DLG2: variants seen among roughly 807,000 people sequenced by gnomAD.
DLG2 encodes disks large homolog 2.
DLG2 carries 45 observed loss-of-function variants against 132.5 expected under a neutral mutation model. The ratio of observed to expected loss-of-function variants is 0.34; its 90% CI spans 0.27 to 0.44. The LOEUF (loss-of-function observed/expected upper bound fraction) is 0.44. Among genes scored for constraint, DLG2 ranks in the 20% least tolerant of loss-of-function variants. The probability of loss-of-function intolerance (pLI) is 1.00; values close to 1 mark genes in which losing one functional copy is unlikely to be tolerated. For missense variants in DLG2, 1,045 were observed against 1,196.9 expected, an observed-to-expected ratio of 0.87 and a Z score of 1.87; for synonymous variants, 424 against 419.6, an observed-to-expected ratio of 1.01 and a Z score of -0.13.
At chr11:84,650,956 G>A (rs1435168315) in intron 6 of DLG2, among the ~76,000 whole-genome samples, 4 of 148,588 alleles carry the variant, frequency 2.7e-5, no homozygotes, top group African/African-American at 9.9e-5. Context: ...TCTGGAAATG[G>A]AATTGCTAAG....
chr11:84,015,157 A>G (rs1439720506), intron 11 of DLG2, among the ~76,000 whole-genome samples: 2 of 152,322 alleles, frequency 1.3e-5, no homozygotes, highest in East Asian at 3.9e-4. Flanking sequence ...AATATTAATT[A>G]GATTGATTTT....
intron 6 of DLG2, among the ~76,000 whole-genome samples, chr11:85,027,742 G>C (rs2060655574): frequency 1.3e-5 from 2 of 152,228 alleles, no homozygotes; most frequent in African/African-American, 4.8e-5. Flanking sequence ...ATCTGGATAA[G>C]GGGAACACAG....
chr11:84,197,012 G>A (rs1176677135), intron 8 of DLG2, among the ~76,000 whole-genome samples: 1 of 133,992 alleles, frequency 7.5e-6, no homozygotes, highest in Non-Finnish European at 1.5e-5. Flanking sequence ...ACTTCAGCCT[G>A]GGCAACAGAG....
intron 19 of DLG2, among the ~76,000 whole-genome samples, chr11:83,563,228 CG>C (rs1432437872): frequency 1.3e-5 from 2 of 152,078 alleles, no homozygotes; most frequent in Non-Finnish European, 2.9e-5. Flanking sequence ...CCGCCCGCCT[CG>C]GCCTCCCAAA....
intron 19 of DLG2, among the ~76,000 whole-genome samples, chr11:83,559,030 A>T (rs1323460678): frequency 6.6e-6 from 1 of 152,152 alleles, no homozygotes; most frequent in African/African-American, 2.4e-5. Flanking sequence ...ATTGAAGAAG[A>T]AGTAACATGA....
rs1430008241 is a variant in DLG2 at position 85,427,238 on chromosome 11, A to G, written c.41-141873T>C. The stretch of plus-strand genomic sequence containing the variant: ...TCCAGGAGAACTTCCCCAATCTAGC[A>G]AGGCAGGCCAACATTCAAATTCAGG... On this transcript the variant is annotated intron_variant, in intron 3 of 27. Transcript: ENST00000376104. Among the ~76,000 whole-genome samples the G allele has an allele frequency of 2.0e-5, 3 of 152,226 alleles. No homozygotes were observed. The East Asian group carries it at 5.8e-4, about 29-fold the overall frequency.
chr11:84,377,436 G>A (rs1274532467), intron 7 of DLG2, among the ~76,000 whole-genome samples: 1 of 151,642 alleles, frequency 6.6e-6, no homozygotes, highest in African/African-American at 2.4e-5. Context: ...AATAATAAGG[G>A]GAATTTGACT....
chr11:83,957,734 T>C (rs2087283309), intron 14 of DLG2, among the ~76,000 whole-genome samples: 1 of 152,154 alleles, frequency 6.6e-6, no homozygotes, highest in South Asian at 2.1e-4. Context: ...TCTCATCTCT[T>C]TCTGGCCAAA....
At chr11:83,957,389 T>G (rs1401443970) in intron 14 of DLG2, among the ~76,000 whole-genome samples, 1 of 152,174 alleles carries the variant, frequency 6.6e-6, no homozygotes, top group African/African-American at 2.4e-5. Flanking sequence ...CTAAGCCAGG[T>G]CTGCTCTTCA....
chr11:84,321,574 T>A (rs902339122), intron 7 of DLG2, among the ~76,000 whole-genome samples: 3 of 152,134 alleles, frequency 2.0e-5, no homozygotes, highest in African/African-American at 4.8e-5. Flanking sequence ...TTGAGCTCAA[T>A]CCTACCTTGT....
intron 7 of DLG2, among the ~76,000 whole-genome samples, chr11:84,494,633 G>A (rs2099175397): frequency 6.6e-6 from 1 of 152,138 alleles, no homozygotes; most frequent in Admixed American, 6.5e-5. Flanking sequence ...AGATAAACAT[G>A]GTTTCAGGAA....
intron 7 of DLG2, chr11:84,437,911 A>T (rs1420096934): frequency 6.6e-6 from 1 of 152,434 alleles, no homozygotes; most frequent in Non-Finnish European, 1.5e-5. Flanking sequence ...TCTTGACAGT[A>T]CGTGCTGGCG....
intron 6 of DLG2, among the ~76,000 whole-genome samples, chr11:84,979,053 G>A (rs2154118584): frequency 6.6e-6 from 1 of 152,262 alleles, no homozygotes; most frequent in East Asian, 1.9e-4. Context: ...ACAGACACAT[G>A]AAAAAATGCT....
chr11:84,679,651 T>C (rs554903181), intron 6 of DLG2, among the ~76,000 whole-genome samples: 1 of 152,120 alleles, frequency 6.6e-6, no homozygotes, highest in African/African-American at 2.4e-5. Context: ...ATTGAGAGTT[T>C]ACTATATGTC....
chr11:83,783,667 A>G (rs958715276), intron 18 of DLG2, among the ~76,000 whole-genome samples: 2 of 152,158 alleles, frequency 1.3e-5, no homozygotes, highest in Admixed American at 1.3e-4. Context: ...TTTGTTAAAT[A>G]TAGGTATGGT....
chr11:83,518,595 G>C (rs1389405228), intron 21 of DLG2, among the ~76,000 whole-genome samples: 9 of 152,324 alleles, frequency 5.9e-5, no homozygotes, highest in Non-Finnish European at 1.3e-4. Flanking sequence ...TGGAAATGCA[G>C]AAGTGATTTG....
intron 3 of DLG2, among the ~76,000 whole-genome samples, chr11:85,324,629 C>T (rs538880816): frequency 3.9e-5 from 6 of 152,170 alleles, no homozygotes; most frequent in South Asian, 2.1e-4. Context: ...TACCTGAAAA[C>T]GGCTGCCTAC....
intron 26 of DLG2, among the ~76,000 whole-genome samples, chr11:83,463,327 C>T (rs956806821): frequency 1.3e-5 from 2 of 151,392 alleles, no homozygotes; most frequent in South Asian, 2.1e-4. Context: ...ATTTCCTGAA[C>T]TCTTGTTGCT....
intron 18 of DLG2, chr11:83,720,896 C>T (rs532867103): frequency 2.6e-5 from 4 of 152,090 alleles, no homozygotes; most frequent in African/African-American, 9.6e-5. Context: ...TTCCTCTCAC[C>T]GCGGGAAGAA....
Sources: gnomAD v4.1 joint callset for allele counts (sites outside exome capture counted in the v4.1 genomes callset) on GRCh38, gnomAD v4.1.1 for gene constraint, MANE v1.5 for transcripts, NCBI Gene and HGNC (gene_info 2026-07-23, HGNC 2026-07-21) for gene names.